The following CERS2 variants were observed in gnomAD, a reference collection of about 807,000 sequenced individuals.
CERS2 encodes the protein ceramide synthase 2, also known as LAG1 homolog, ceramide synthase 2.
Under a neutral mutation model 56.6 loss-of-function variants are expected in CERS2, and 20 were observed. That is an observed-to-expected ratio of 0.35 (90% CI 0.25 to 0.51). The LOEUF (loss-of-function observed/expected upper bound fraction) is 0.51. Among genes scored for constraint, CERS2 ranks in the 20% least tolerant of loss-of-function variants. The pLI is 0.96. For synonymous variants in CERS2, 187 were observed against 175.4 expected (o/e 1.07, Z -0.52); for missense variants, 361 against 488.6 (o/e 0.74, Z 2.46).
At chr1:150,970,588 T>C (rs1390555564) in intron 1 of CERS2, among the ~76,000 whole-genome samples, 2 of 152,164 alleles carry the variant, frequency 1.3e-5, no homozygotes, top group Non-Finnish European at 2.9e-5. Context: ...CCTCCCAGGT[T>C]CAAGCCATCC....
At chr1:150,967,290 A>G in intron 7 of CERS2, 88 bp from the exon 8 acceptor site, 1 of 1,473,364 alleles carries the variant, frequency 6.8e-7, no homozygotes, top group South Asian at 1.1e-5. Context: ...TTCCCCATAT[A>G]CCAACAGCTC....
rs372776487 is a variant in CERS2, at chr1:150,969,033, A to G, written c.58T>C (p.Leu20=). Reference sequence around the variant, plus strand: ...CGGTCTTCTAGATCGGCCCAGGTCAAGTTCACAGGCAGCCACAGACGTTCC... The same window carrying G: ...CGGTCTTCTAGATCGGCCCAGGTCAGGTTCACAGGCAGCCACAGACGTTCC... ...WWERLWLPVN[L]TWADLEDRDG... Residue 20 remains leucine, a synonymous_variant, in exon 2 of 11, where the codon TTG becomes CTG. Transcript: ENST00000368954. 3.7e-6 allele frequency: 6 copies of G among 1,614,106 alleles called. No homozygotes were observed. In the African/African-American group the frequency reaches 5.3e-5, roughly 14 times the overall value.
At position 150,965,936 on chromosome 1, in the gene CERS2, TA is replaced by T. The variant is rs1488472065; in HGVS notation, c.*211del. The stretch of plus-strand genomic sequence containing the variant: ...GGAGGAAAATACGACCGTCCCCCTC[TA>T]ACAGAATATAACCAACGTCCCCCTA... On this transcript the variant is annotated 3_prime_UTR_variant, in exon 11 of 11. Coordinates refer to ENST00000368954, the MANE Select transcript of CERS2 (RefSeq NM_022075.5). The T allele has an allele frequency of 1.9e-6, 1 of 514,336 alleles. No homozygotes were observed. Among genetic ancestry groups the T allele is most frequent in the East Asian group, 3.5e-5 (1 of 28,832 alleles). The allele number at this position is 514,336 out of a possible 1,614,324, so 31.9% of individuals were successfully genotyped here. A position where few individuals can be genotyped will look rare whatever the true frequency, so the allele number is the denominator to read the frequency against.
chr1:150,970,227 CAAAAAAAA>C (rs35333038), intron 1 of CERS2, among the ~76,000 whole-genome samples: 5 of 51,196 alleles, frequency 9.8e-5, no homozygotes, highest in South Asian at 1.9e-3. Context: ...GACTCTGTCT[CAAAAAAAA>C]AAAAAAAAAA....
chr1:150,970,630 G>A (rs915902435), intron 1 of CERS2, among the ~76,000 whole-genome samples: 1 of 152,046 alleles, frequency 6.6e-6, no homozygotes, highest in Non-Finnish European at 1.5e-5. Context: ...CGAGTGCCTG[G>A]GGCTATGAGT....
chr1:150,972,805 T>C (rs1671215702), intron 1 of CERS2, among the ~76,000 whole-genome samples: 1 of 152,096 alleles, frequency 6.6e-6, no homozygotes, highest in Non-Finnish European at 1.5e-5. Context: ...CAGGACTCTG[T>C]CCAGCCCCAA....
At chr1:150,966,407 A>G (rs769422073) in intron 10 of CERS2, 69 bp downstream of exon 10, 3 of 1,601,392 alleles carry the variant, frequency 1.9e-6, no homozygotes, top group Admixed American at 1.7e-5. Context: ...TTAGAGAGTT[A>G]CTGGCAAGAT....
intron 1 of CERS2, 84 bp downstream of exon 1, chr1:150,974,535 G>A (rs922547353): frequency 3.4e-5 from 5 of 149,162 alleles, no homozygotes; most frequent in African/African-American, 1.2e-4. Flanking sequence ...CCGCGACAAA[G>A]CGGCACCCGG....
Position 150,968,921 on chromosome 1 carries a change from T to C in CERS2, c.170A>G (p.Glu57Gly). 6.2e-7 allele frequency: 1 copy of C among 1,612,934 alleles called. No individual in the cohort carries two copies. The highest frequency in any genetic ancestry group is 8.5e-7 in the Non-Finnish European group (1 of 1,179,870). The change falls in exon 2 of 11, where the codon GAG becomes GGG. Residue 57 changes from glutamate to glycine, a missense_variant. Coordinates refer to ENST00000368954, the MANE Select transcript of CERS2 (RefSeq NM_022075.5). ...LLFLIVRYFF[E>G]LYVATPLAAL... ...GAGGGTAGGCTGGCATGCTTACAGCTCAAAGAAGTATCGAACGATGAGGAA... is the reference window on the plus strand; with the variant it reads ...GAGGGTAGGCTGGCATGCTTACAGCCCAAAGAAGTATCGAACGATGAGGAA...
chr1:150,966,219 C>T lies in CERS2; in HGVS notation c.1072G>A (p.Gly358Arg), dbSNP rs1275685761. ...GCTAGGGGCCGGCTCTTTGCTCCTCCCCCAGCTGCAGCCTCCTCCCCCTCT... is the reference window on the plus strand; with the variant it reads ...GCTAGGGGCCGGCTCTTTGCTCCTCTCCCAGCTGCAGCCTCCTCCCCCTCT... ...SSEGEEAAAGGGAKSRPLANG... is the reference protein window; with the variant it reads ...SSEGEEAAAGRGAKSRPLANG... The change falls in exon 11 of 11, where the codon GGA (glycine) becomes AGA (arginine). Residue 358 changes from glycine to arginine, a missense_variant. Transcript: ENST00000368954. The T allele has an allele frequency of 6.2e-7, 1 of 1,607,580 alleles. No individual in the cohort carries two copies. The highest frequency in any genetic ancestry group is 1.3e-5 in the African/African-American group (1 of 74,362).
intron 3 of CERS2, 25 bp downstream of exon 3, chr1:150,968,369 GA>G (rs1184400160): frequency 1.9e-6 from 3 of 1,579,280 alleles, no homozygotes; most frequent in Admixed American, 1.7e-5. Context: ...GTGATTCCCA[GA>G]GCCAGAGCAG....
At position 150,968,983 on chromosome 1, in the gene CERS2, G is replaced by C; in HGVS notation, c.108C>G (p.Ala36=). The C allele has an allele frequency of 6.2e-7, 1 of 1,614,152 alleles. No individual in the cohort carries two copies. The highest frequency in any genetic ancestry group is 8.5e-7 in the Non-Finnish European group (1 of 1,180,034). The part of the protein sequence containing the change: ...EDRDGRVYAK[A]SDLYITLPLA... Reference sequence around the variant, plus strand: ...GGGGCAGCGTGATATAGAGATCTGAGGCTTTGGCGTAGACACGTCCATCTC... The same window carrying C: ...GGGGCAGCGTGATATAGAGATCTGACGCTTTGGCGTAGACACGTCCATCTC... Residue 36 remains alanine, a synonymous_variant, in exon 2 of 11, where the codon GCC becomes GCG. Coordinates refer to ENST00000368954, the MANE Select transcript of CERS2 (RefSeq NM_022075.5).
At chr1:150,967,230 CT>C (rs1195347262) in intron 7 of CERS2, 28 bp from the exon 8 acceptor site, 9 of 1,611,962 alleles carry the variant, frequency 5.6e-6, no homozygotes, top group Non-Finnish European at 7.6e-6. Flanking sequence ...GCCCCAGGGC[CT>C]TTTTTTATTC....
At chr1:150,968,338 G>T in intron 3 of CERS2, 57 bp downstream of exon 3, 1 of 1,516,106 alleles carries the variant, frequency 6.6e-7, no homozygotes, top group Non-Finnish European at 9.2e-7. Context: ...TTCAAACCCT[G>T]TCCCCCCACC....
In CERS2 at chr1:150,974,811, T is replaced by C. The variant is rs1211382445; in HGVS notation, c.-194A>G. The C allele has an allele frequency of 6.5e-6, 1 of 153,254 alleles. No homozygotes were observed. Among genetic ancestry groups the C allele is most frequent in the African/African-American group, 2.4e-5 (1 of 41,068 alleles). The allele number at this position is 153,254 out of a possible 1,614,324, so 9.5% of individuals were successfully genotyped here. On this transcript the variant is annotated 5_prime_UTR_variant, in exon 1 of 11. Transcript: ENST00000368954. ...CGCCGCCGCCGCCCGCCGAGCCCAG[T>C]CGAGCTGAGCCCGAGCCCAGCCGGG...
rs772637189 is a variant in CERS2 at position 150,968,522 on chromosome 1, G to C, written c.174-10C>G. 1 of 1,590,282 alleles carries C rather than the reference G, an allele frequency of 6.3e-7. No individual in the cohort carries two copies. The highest frequency in any genetic ancestry group is 1.7e-5 in the Admixed American group (1 of 59,982). Reference sequence around the variant, plus strand: ...TGGTGTAGCCACGTACCTGGGGAAGGGATATGAGTAAGGTATCTAGCTTGC... The same window carrying C: ...TGGTGTAGCCACGTACCTGGGGAAGCGATATGAGTAAGGTATCTAGCTTGC... On this transcript the variant is annotated splice_polypyrimidine_tract_variant and intron_variant, in intron 2 of 10. Coordinates refer to ENST00000368954, the MANE Select transcript of CERS2 (RefSeq NM_022075.5).
chr1:150,969,531 C>T (rs58338969), intron 1 of CERS2, among the ~76,000 whole-genome samples: 11,426 of 150,266 alleles, frequency 0.076, 1,481 homozygotes, highest in African/African-American at 0.27. Flanking sequence ...GCCGGAATCA[C>T]GCCATTGCAC....
intron 1 of CERS2, among the ~76,000 whole-genome samples, chr1:150,970,165 T>A (rs1249280999): frequency 6.8e-6 from 1 of 146,216 alleles, no homozygotes. Context: ...GAGGTGAAGG[T>A]TGCAGTGAGC....
At chr1:150,970,226 T>TC (rs1671143413) in intron 1 of CERS2, among the ~76,000 whole-genome samples, 1 of 44,806 alleles carries the variant, frequency 2.2e-5, no homozygotes, top group Non-Finnish European at 3.7e-5. Context: ...AGACTCTGTC[T>TC]CAAAAAAAAA....
Sources: allele counts gnomAD v4.1 joint callset (sites outside exome capture counted in the v4.1 genomes callset), GRCh38; gene constraint gnomAD v4.1.1; transcripts MANE v1.5; gene names NCBI Gene and HGNC (gene_info 2026-07-23, HGNC 2026-07-21).